ROBO2: variants seen among roughly 807,000 people sequenced by gnomAD.
ROBO2 encodes roundabout guidance receptor 2, also known as roundabout homolog 2.
Under a neutral mutation model 160.8 loss-of-function variants are expected in ROBO2, and 53 were observed. That is an observed-to-expected ratio of 0.33 (90% CI 0.26 to 0.41). The LOEUF (loss-of-function observed/expected upper bound fraction) is 0.41, where lower values mean the gene tolerates loss of function less well. Ranked by LOEUF, ROBO2 falls within the 10% of genes least tolerant of loss-of-function variation. The pLI is 1.00. For missense variants in ROBO2, 1,577 were observed against 1,722.4 expected (o/e 0.92, Z 1.49); for synonymous variants, 664 against 611.7 (o/e 1.09, Z -1.26).
chr3:76,565,443 T>G (rs1040334729), intron 2 of ROBO2, among the ~76,000 whole-genome samples: 1 of 152,160 alleles, frequency 6.6e-6, no homozygotes, highest in Non-Finnish European at 1.5e-5. Context: ...ACTCTAAAAT[T>G]CCACAGTTCT....
intron 2 of ROBO2, among the ~76,000 whole-genome samples, chr3:77,133,477 T>C (rs2150367360): frequency 6.6e-6 from 1 of 152,314 alleles, no homozygotes; most frequent in East Asian, 1.9e-4. Flanking sequence ...AATCTTGACA[T>C]TATATTTATC....
intron 5 of ROBO2, among the ~76,000 whole-genome samples, chr3:77,506,924 G>T (rs1394949860): frequency 6.6e-6 from 1 of 152,140 alleles, no homozygotes; most frequent in South Asian, 2.1e-4. Flanking sequence ...GTTTGATATA[G>T]GCATGTCATC....
intron 2 of ROBO2, among the ~76,000 whole-genome samples, chr3:76,091,496 G>C (rs1202999156): frequency 2.0e-5 from 3 of 152,152 alleles, no homozygotes; most frequent in African/African-American, 7.2e-5. Context: ...AAGTGGTACA[G>C]CCGCTTTGGA....
At chr3:76,511,303 G>A (rs1466627270) in intron 2 of ROBO2, among the ~76,000 whole-genome samples, 1 of 152,086 alleles carries the variant, frequency 6.6e-6, no homozygotes, top group East Asian at 1.9e-4. Context: ...TCATTGTTAT[G>A]CTAATAAAAA....
chr3:76,434,238 A>T, intron 2 of ROBO2: 1 of 1,020,850 alleles, frequency 9.8e-7, no homozygotes. Context: ...CACAGGTTTG[A>T]CGTTGGAGCG....
chr3:77,505,108 G>A (rs559742779), intron 5 of ROBO2, among the ~76,000 whole-genome samples: 121 of 152,298 alleles, frequency 7.9e-4, no homozygotes, highest in African/African-American at 2.5e-3. Context: ...TGTTTATATG[G>A]AATACACCAT....
intron 2 of ROBO2, among the ~76,000 whole-genome samples, chr3:77,219,629 G>C (rs73101904): frequency 6.6e-6 from 1 of 150,500 alleles, no homozygotes; most frequent in African/African-American, 2.4e-5. Flanking sequence ...TTGACCATGG[G>C]CCTTAAGGAA....
intron 2 of ROBO2, among the ~76,000 whole-genome samples, chr3:76,819,751 T>C (rs952607965): frequency 1.2e-4 from 19 of 152,126 alleles, no homozygotes; most frequent in African/African-American, 3.6e-4. Context: ...AAGCATCCCA[T>C]TTACAAAAAC....
intron 9 of ROBO2, among the ~76,000 whole-genome samples, chr3:77,558,907 CT>C (rs2093226096): frequency 6.6e-6 from 1 of 152,082 alleles, no homozygotes; most frequent in Non-Finnish European, 1.5e-5. Context: ...TGAGCTGTGT[CT>C]TTTGCTTCTG....
intron 2 of ROBO2, among the ~76,000 whole-genome samples, chr3:77,173,969 T>A (rs188015428): frequency 2.5e-4 from 38 of 152,212 alleles, no homozygotes; most frequent in African/African-American, 8.4e-4. Context: ...TTGTGAGACA[T>A]CCTGGACTCT....
At chr3:77,018,619 G>A (rs1180392988) in intron 2 of ROBO2, among the ~76,000 whole-genome samples, 1 of 152,026 alleles carries the variant, frequency 6.6e-6, no homozygotes, top group East Asian at 1.9e-4. Flanking sequence ...TTTTTATCCA[G>A]TCATAATATG....
intron 5 of ROBO2, among the ~76,000 whole-genome samples, chr3:77,511,621 T>C (rs532156739): frequency 6.6e-6 from 1 of 152,106 alleles, no homozygotes; most frequent in East Asian, 1.9e-4. Flanking sequence ...GTTTGCGTTT[T>C]TCAGTCAGGC....
At chr3:77,199,392 C>G (rs75904609) in intron 2 of ROBO2, among the ~76,000 whole-genome samples, 3 of 152,272 alleles carry the variant, frequency 2.0e-5, no homozygotes, top group African/African-American at 4.8e-5. Context: ...GGAGCAGACA[C>G]AGTCAGCCAC....
At chr3:76,386,525 A>G (rs1001298214) in intron 2 of ROBO2, among the ~76,000 whole-genome samples, 4 of 152,046 alleles carry the variant, frequency 2.6e-5, no homozygotes, top group African/African-American at 9.7e-5. Context: ...AGGGTTTTTT[A>G]GGGGTTTTTA....
chr3:76,017,601 T>C (rs375744117), intron 2 of ROBO2, among the ~76,000 whole-genome samples: 1 of 152,138 alleles, frequency 6.6e-6, no homozygotes, highest in African/African-American at 2.4e-5. Context: ...GATATTGTTT[T>C]CTAAGGCTAA....
chr3:76,470,494 T>G lies in ROBO2; in HGVS notation c.109+532892T>G, dbSNP rs1259107054. On this transcript the variant is annotated intron_variant, in intron 2 of 26. Transcript: ENST00000487694. ...TCACTGCTGTGGCTGGGAGCTTAGC[T>G]TAAGATGTTGACTGAATCCCCTATT... Among the ~76,000 whole-genome samples, 5 of 152,088 alleles carry G rather than the reference T, an allele frequency of 3.3e-5. No individual in the cohort carries two copies. In the East Asian group the frequency reaches 9.7e-4, roughly 29 times the overall value.
chr3:77,458,792 T>G lies in ROBO2; in HGVS notation c.389-18622T>G, dbSNP rs539886767. On this transcript the variant is annotated intron_variant, in intron 2 of 25. Coordinates refer to ENST00000461745, the Ensembl canonical transcript of ROBO2. Reference sequence around the variant, plus strand: ...CAAAGCTAAATTATTTTTAGTATACTTTGATTATTAGGTTAAGGAATTGTA... The same window carrying G: ...CAAAGCTAAATTATTTTTAGTATACGTTGATTATTAGGTTAAGGAATTGTA... Among the ~76,000 whole-genome samples the G allele has an allele frequency of 2.6e-5, 4 of 152,300 alleles. No individual in the cohort carries two copies. The South Asian group carries it at 6.2e-4, about 24-fold the overall frequency.
chr3:76,978,897 A>T (rs2059941412), intron 2 of ROBO2, among the ~76,000 whole-genome samples: 1 of 151,544 alleles, frequency 6.6e-6, no homozygotes, highest in African/African-American at 2.4e-5. Context: ...AAATATAAGG[A>T]GTACAAGTGC....
chr3:77,103,256 C>A (rs2072278562), intron 2 of ROBO2, among the ~76,000 whole-genome samples: 1 of 152,152 alleles, frequency 6.6e-6, no homozygotes, highest in South Asian at 2.1e-4. Flanking sequence ...AATGAAAATT[C>A]ATGAAAAATT....
Sources: allele counts gnomAD v4.1 joint callset (sites outside exome capture counted in the v4.1 genomes callset), GRCh38; gene constraint gnomAD v4.1.1; transcripts MANE v1.5; gene names NCBI Gene and HGNC (gene_info 2026-07-23, HGNC 2026-07-21).